GUCY2C: variants seen among roughly 807,000 people sequenced by gnomAD.
GUCY2C encodes guanylate cyclase 2C.
Under a neutral mutation model 131.1 loss-of-function variants are expected in GUCY2C, and 118 were observed. The observed-to-expected ratio is 0.90, with a 90% CI of 0.78 to 1.05. GUCY2C has a LOEUF of 1.05. Among genes scored for constraint, GUCY2C ranks in the 50% least tolerant of loss-of-function variants. The pLI is 0.00. For synonymous variants in GUCY2C, 452 were observed against 457.8 expected (o/e 0.99, Z 0.16); for missense variants, 1,161 against 1,304.4 (o/e 0.89, Z 1.69).
At position 14,674,774 on chromosome 12, in the gene GUCY2C, G is replaced by A. The variant is rs778703558; in HGVS notation, c.949-14C>T. 7 of 1,588,950 alleles carry A rather than the reference G, an allele frequency of 4.4e-6. No homozygotes were observed. In the South Asian group the frequency reaches 5.7e-5, roughly 13 times the overall value. On this transcript the variant is annotated splice_polypyrimidine_tract_variant and intron_variant, in intron 7 of 26. Coordinates refer to ENST00000261170, the MANE Select transcript of GUCY2C (RefSeq NM_004963.4). ...GTCTCGTTTTGTCTAAATAAAAAAG[G>A]AAAATATTAAAACGGGTCCTTCAAA...
At chr12:14,666,515 A>G (rs1947982951) in intron 10 of GUCY2C, among the ~76,000 whole-genome samples, 1 of 152,148 alleles carries the variant, frequency 6.6e-6, no homozygotes, top group Non-Finnish European at 1.5e-5. Context: ...CAGGCGGATC[A>G]CGTGAGGTCA....
chr12:14,695,628 C>CAGGCCAGA (rs1411012211), intron 1 of GUCY2C, among the ~76,000 whole-genome samples: 1 of 142,844 alleles, frequency 7.0e-6, no homozygotes, highest in East Asian at 2.1e-4. Flanking sequence ...AAAGAGTGAA[C>CAGGCCAGA]AGGCCAGAGA....
rs2137023967 is a variant in GUCY2C, at chr12:14,643,562, T to C, written c.1930+12A>G. On this transcript the variant is annotated intron_variant, in intron 17 of 26. Coordinates refer to ENST00000261170, the MANE Select transcript of GUCY2C (RefSeq NM_004963.4). ...AGTTAGGAAACTAGTGAACATTTCA[T>C]TCATTACAGACCCTTTTTTGGAGGT... 6.2e-7 allele frequency: 1 copy of C among 1,613,156 alleles called. No individual in the cohort carries two copies. The highest frequency in any genetic ancestry group is 8.5e-7 in the Non-Finnish European group (1 of 1,179,308).
chr12:14,628,508 G>A, intron 20 of GUCY2C, 138 bp downstream of exon 20: 2 of 611,942 alleles, frequency 3.3e-6, no homozygotes, highest in Middle Eastern at 4.6e-4. Flanking sequence ...TCATTTTAAT[G>A]TTATGAGGCA....
intron 12 of GUCY2C, among the ~76,000 whole-genome samples, chr12:14,655,377 C>G: frequency 6.6e-6 from 1 of 152,088 alleles, no homozygotes; most frequent in East Asian, 1.9e-4. Context: ...TAGAATTTTT[C>G]TGTTGAGGTT....
intron 12 of GUCY2C, among the ~76,000 whole-genome samples, chr12:14,656,163 AG>A (rs1947758402): frequency 6.6e-6 from 1 of 152,232 alleles, no homozygotes; most frequent in African/African-American, 2.4e-5. Context: ...ATAGGCCCTT[AG>A]TATGGATAGA....
intron 1 of GUCY2C, among the ~76,000 whole-genome samples, chr12:14,693,658 T>TCATC (rs1206436114): frequency 6.6e-6 from 1 of 152,234 alleles, no homozygotes; most frequent in Non-Finnish European, 1.5e-5. Context: ...GCATGCATAT[T>TCATC]CATCCAACAA....
rs142048175 is a variant in GUCY2C at position 14,686,799 on chromosome 12, A to T, written c.331-574T>A. On this transcript the variant is annotated intron_variant, in intron 2 of 26. Coordinates refer to ENST00000261170, the MANE Select transcript of GUCY2C (RefSeq NM_004963.4). ...AGCAGCATATATTTCTGAAATTGTG[A>T]TGTGGAGTTTATTGAACTATGCTTG... Among the ~76,000 whole-genome samples, 189 of 152,226 alleles carry T rather than the reference A, an allele frequency of 1.2e-3. 2 individuals are homozygous for T. The highest frequency in any genetic ancestry group is 4.3e-3 in the African/African-American group (177 of 41,544).
intron 11 of GUCY2C, among the ~76,000 whole-genome samples, chr12:14,657,303 TC>T (rs1947783040): frequency 6.6e-6 from 1 of 152,218 alleles, no homozygotes; most frequent in South Asian, 2.1e-4. Context: ...TAATTTTTAA[TC>T]CAGAGAGAAT....
At chr12:14,673,661 G>A (rs1360851450) in intron 8 of GUCY2C, among the ~76,000 whole-genome samples, 2 of 152,134 alleles carry the variant, frequency 1.3e-5, no homozygotes, top group East Asian at 1.9e-4. Flanking sequence ...AGGGTCGTAC[G>A]GCTGGTAGGT....
At chr12:14,646,354 T>A (rs1481911321) in intron 15 of GUCY2C, among the ~76,000 whole-genome samples, 2 of 152,186 alleles carry the variant, frequency 1.3e-5, no homozygotes, top group African/African-American at 2.4e-5. Flanking sequence ...TCTAAAGTCC[T>A]TAATCATTTC....
intron 19 of GUCY2C, among the ~76,000 whole-genome samples, chr12:14,630,664 G>T (rs1947124010): frequency 6.6e-6 from 1 of 152,144 alleles, no homozygotes; most frequent in Non-Finnish European, 1.5e-5. Context: ...TCCTTGAGCC[G>T]CTGTGGATTT....
chr12:14,639,344 A>G, intron 19 of GUCY2C, among the ~76,000 whole-genome samples: 1 of 151,638 alleles, frequency 6.6e-6, no homozygotes. Flanking sequence ...TGTGTGCTTT[A>G]GAAGCCAGCT....
intron 19 of GUCY2C, among the ~76,000 whole-genome samples, chr12:14,637,390 C>T (rs1947293206): frequency 6.6e-6 from 1 of 151,956 alleles, no homozygotes; most frequent in Non-Finnish European, 1.5e-5. Context: ...TCAATGTAAT[C>T]CTATCAAAAT....
At chr12:14,662,909 C>A (rs1225183496) in intron 10 of GUCY2C, among the ~76,000 whole-genome samples, 1 of 152,082 alleles carries the variant, frequency 6.6e-6, no homozygotes, top group Non-Finnish European at 1.5e-5. Context: ...GTGGCACTAA[C>A]ATCTTCATCT....
intron 1 of GUCY2C, among the ~76,000 whole-genome samples, chr12:14,689,658 A>C (rs529917040): frequency 2.9e-4 from 44 of 152,278 alleles, no homozygotes; most frequent in African/African-American, 1.1e-3. Flanking sequence ...TCTCATCCCA[A>C]ACCAATTGTA....
rs757206653 is a variant in GUCY2C at position 14,613,588 on chromosome 12, C to T, written c.3048-297G>A. 1.3e-5 allele frequency among the ~76,000 whole-genome samples: 2 copies of T among 152,080 alleles called. No individual in the cohort carries two copies. Among genetic ancestry groups the T allele is most frequent in the African/African-American group, 2.4e-5 (1 of 41,430 alleles). ...GCCACTGCAGGAAGGGGAAAAGAAG[C>T]TGGGAGGATGCTAGGCCCCTGCCAC... On this transcript the variant is annotated intron_variant, in intron 26 of 26. Transcript: ENST00000261170. The surrounding 1 kb of genome is among the most constrained non-coding windows in gnomAD (Gnocchi z 4.9).
At chr12:14,695,799 C>T (rs887572419) in intron 1 of GUCY2C, among the ~76,000 whole-genome samples, 5 of 151,882 alleles carry the variant, frequency 3.3e-5, no homozygotes, top group African/African-American at 7.3e-5. Flanking sequence ...TTCCTGGAAC[C>T]GGGCAATAAA....
At chr12:14,679,048 C>T (rs1452864355) in intron 6 of GUCY2C, among the ~76,000 whole-genome samples, 1 of 152,138 alleles carries the variant, frequency 6.6e-6, no homozygotes, top group African/African-American at 2.4e-5. Context: ...AGTGAAACTT[C>T]AAGCTTATCA....
Sources: gnomAD v4.1 joint callset for allele counts (sites outside exome capture counted in the v4.1 genomes callset) on GRCh38, gnomAD v4.1.1 for gene constraint, Gnocchi (gnomAD v3.1) non-coding constraint, MANE v1.5 for transcripts, NCBI Gene and HGNC (gene_info 2026-07-23, HGNC 2026-07-21) for gene names.